SSH1: variants seen among roughly 807,000 people sequenced by gnomAD.
SSH1 encodes slingshot protein phosphatase 1, also known as protein phosphatase Slingshot homolog 1.
A neutral mutation model predicts 79.7 loss-of-function variants in SSH1; 43 were observed. That is an observed-to-expected ratio of 0.54 (90% CI 0.42 to 0.70). The LOEUF (loss-of-function observed/expected upper bound fraction) is 0.70. SSH1 is among the 30% of genes least tolerant of loss of function. The pLI is 0.00. For missense variants in SSH1, 1,206 were observed against 1,358.8 expected (o/e 0.89, Z 1.77); for synonymous variants, 599 against 538.3 (o/e 1.11, Z -1.56).
intron 14 of SSH1, 124 bp from the exon 15 acceptor site, chr12:108,789,368 C>CT (rs60314156): frequency 0.29 from 284,053 of 968,192 alleles, 45,430 homozygotes; most frequent in South Asian, 0.41. Flanking sequence ...AGGGGAGGCT[C>CT]TCATTTCACT....
At chr12:108,792,863 A>G (rs942865090) in intron 13 of SSH1, 34 bp from the exon 14 acceptor site, 1 of 1,611,692 alleles carries the variant, frequency 6.2e-7, no homozygotes, top group Non-Finnish European at 8.5e-7. Flanking sequence ...AGGTGAGGGG[A>G]GGAGGATGGT....
Position 108,811,279 on chromosome 12 carries a change from T to G in SSH1, c.451A>C (p.Ile151Leu). ...CCTTACCCATCTCCATCAAGGTGGA[T>G]TTTCGTGTCGCTCCACAGTCGGAGA... ...MVLRLWSDTKIHLDGDGGFSV... is the reference protein window; with the variant it reads ...MVLRLWSDTKLHLDGDGGFSV... The change falls in exon 6 of 15, where the codon ATC becomes CTC. Residue 151 changes from isoleucine (I) to leucine (L), a missense_variant. Physicochemically the swap from Ile to Leu is conservative, Grantham distance 5. Transcript: ENST00000326495. The G allele has an allele frequency of 1.2e-6, 2 of 1,614,122 alleles. No individual in the cohort carries two copies. Among genetic ancestry groups the G allele is most frequent in the Non-Finnish European group, 1.7e-6 (2 of 1,180,006 alleles).
intron 12 of SSH1, among the ~76,000 whole-genome samples, chr12:108,799,772 G>C (rs1251417690): frequency 6.6e-6 from 1 of 152,246 alleles, no homozygotes; most frequent in East Asian, 1.9e-4. Flanking sequence ...GGAAGATGGG[G>C]CTGGCCGTTT....
intron 2 of SSH1, among the ~76,000 whole-genome samples, chr12:108,831,369 G>A (rs2038469390): frequency 6.6e-6 from 1 of 152,194 alleles, no homozygotes; most frequent in African/African-American, 2.4e-5. Context: ...TTCCAAAAAG[G>A]AGGCTCTGTT....
At position 108,788,243 on chromosome 12, in the gene SSH1, C is replaced by T. The variant is rs533593339; in HGVS notation, c.2895G>A (p.Ala965=). ...TQEIETRLRL[A]GLTVSSPLKR... is the part of the protein sequence containing the mutation. The stretch of plus-strand genomic sequence containing the variant: ...TCAGTGGGGAAGAGACGGTGAGGCC[C>T]GCCAGCCGGAGCCGGGTCTCAATCT... Residue 965 remains alanine (A), a synonymous_variant, in exon 15 of 15, where the codon GCG becomes GCA. Coordinates refer to ENST00000326495, the MANE Select transcript of SSH1 (RefSeq NM_018984.4). 39 of 1,613,772 alleles carry T rather than the reference C, an allele frequency of 2.4e-5. No homozygotes were observed. The Admixed American group carries it at 3.3e-4, about 14-fold the overall frequency.
intron 1 of SSH1, 59 bp from the exon 2 acceptor site, chr12:108,852,737 G>A (rs763434575): frequency 2.4e-5 from 39 of 1,611,900 alleles, no homozygotes; most frequent in Middle Eastern, 1.6e-4. Context: ...CGCCTCGGGC[G>A]GCAGTCTCAC....
chr12:108,845,046 C>T (rs1243758760), intron 2 of SSH1, among the ~76,000 whole-genome samples: 2 of 151,434 alleles, frequency 1.3e-5, no homozygotes, highest in African/African-American at 2.4e-5. Flanking sequence ...CCCAGCTACT[C>T]GGGAGGCTGA....
chr12:108,791,380 T>C (rs1200058671), intron 14 of SSH1, among the ~76,000 whole-genome samples: 4 of 152,204 alleles, frequency 2.6e-5, no homozygotes, highest in Non-Finnish European at 5.9e-5. Context: ...AATGCTGGGA[T>C]TACAGATGTG....
rs535840859 is a variant in SSH1 at position 108,797,547 on chromosome 12, C to T, written c.1349+1453G>A. 2.4e-4 allele frequency among the ~76,000 whole-genome samples: 36 copies of T among 152,262 alleles called. No individual in the cohort carries two copies. In the South Asian group the frequency reaches 7.5e-3, roughly 32 times the overall value. ...TTCCAAAACTACCTATAGCCCACTC[C>T]ACCCCCATCCTGTGCCTATAAAGAC... is the stretch of plus-strand genomic sequence containing the variant. On this transcript the variant is annotated intron_variant, in intron 13 of 14. Coordinates refer to ENST00000326495, the MANE Select transcript of SSH1 (RefSeq NM_018984.4).
intron 5 of SSH1, among the ~76,000 whole-genome samples, chr12:108,814,329 G>C (rs899690202): frequency 6.6e-6 from 1 of 151,988 alleles, no homozygotes; most frequent in African/African-American, 2.4e-5. Flanking sequence ...ATGCCCTTTG[G>C]GGGTAATGCT....
chr12:108,837,508 T>C (rs2038667280), intron 2 of SSH1, among the ~76,000 whole-genome samples: 1 of 152,212 alleles, frequency 6.6e-6, no homozygotes. Flanking sequence ...CCAAGGGTAA[T>C]GGAGTAGCAG....
intron 11 of SSH1, among the ~76,000 whole-genome samples, chr12:108,801,735 T>TAAAAAAAAA (rs1565980475): frequency 5.8e-5 from 8 of 137,182 alleles, no homozygotes; most frequent in African/African-American, 2.1e-4. Context: ...CTGTGTTGTT[T>TAAAAAAAAA]TAAAAAAAAA....
At position 108,805,330 on chromosome 12, in the gene SSH1, C is replaced by T. The variant is rs150067345; in HGVS notation, c.826-146G>A. 9.6e-3 allele frequency: 7,990 copies of T among 829,400 alleles called. 800 individuals are homozygous for T. The Admixed American group carries it at 0.17, about 18-fold the overall frequency. The allele number at this position is 829,400 out of a possible 1,614,324, so 51.4% of individuals were successfully genotyped here. A position where few individuals can be genotyped will look rare whatever the true frequency, so the allele number is the denominator to read the frequency against. ...TTTCAGAGTAATACATTTAGATACA[C>T]GCAACATACATGCGTGGGTGGCAGG... On this transcript the variant is annotated intron_variant, in intron 9 of 14. Transcript: ENST00000326495.
chr12:108,793,941 G>GCA (rs1297278700), intron 13 of SSH1, among the ~76,000 whole-genome samples: 1 of 152,208 alleles, frequency 6.6e-6, no homozygotes, highest in African/African-American at 2.4e-5. Flanking sequence ...TGGAGCGCCT[G>GCA]GCTTAGGCTG....
intron 8 of SSH1, among the ~76,000 whole-genome samples, 179 bp from the exon 9 acceptor site, chr12:108,806,573 T>C (rs1446484586): frequency 5.3e-5 from 8 of 152,254 alleles, no homozygotes; most frequent in Non-Finnish European, 1.2e-4. Context: ...GCTGCAGCTC[T>C]AGAACTCCCA....
In SSH1 at chr12:108,788,859, G is replaced by A; in HGVS notation, c.2279C>T (p.Ser760Phe). The part of the protein sequence containing the change: ...VLPKSLLLKN[S>F]HCDKNPPSTE... The stretch of plus-strand genomic sequence containing the variant: ...GCTGGGAGGGTTCTTATCACAGTGA[G>A]AATTCTTCAAAAGGAGGGACTTTGG... Residue 760 changes from serine (S) to phenylalanine (F), a missense_variant, in exon 15 of 15, where the codon TCT (serine) becomes TTT (phenylalanine). Around this residue, in one of 5 missense-constraint regions of SSH1, gnomAD observed 709 missense variants for 730.6 expected, o/e 0.97. Transcript: ENST00000326495. The A allele has an allele frequency of 6.2e-7, 1 of 1,614,216 alleles. No homozygotes were observed. The highest frequency in any genetic ancestry group is 1.1e-5 in the South Asian group (1 of 91,088).
chr12:108,827,463 T>C lies in SSH1; in HGVS notation c.111-4102A>G, dbSNP rs559905256. The C allele has an allele frequency of 1.0e-3, 1,300 of 1,298,202 alleles. 2 individuals are homozygous for C. Among genetic ancestry groups the C allele is most frequent in the Non-Finnish European group, 1.2e-3 (1,254 of 1,016,664 alleles). 80.4% of individuals were successfully genotyped at this position (1,298,202 alleles called of 1,614,324 possible). On this transcript the variant is annotated intron_variant, in intron 2 of 14. Transcript: ENST00000326495. ...GGCTGCCGAGTGCTTCCACGAGGGC[T>C]GGGGAGCCAACTCCTCCTCAGAGTC...
At position 108,857,562 on chromosome 12, in the gene SSH1, C is replaced by T. The variant is rs1316924125; in HGVS notation, c.-66G>A. 1 of 966,524 alleles carries T rather than the reference C, an allele frequency of 1.0e-6. No homozygotes were observed. Among genetic ancestry groups the T allele is most frequent in the South Asian group, 3.8e-5 (1 of 26,220 alleles). 59.9% of individuals were successfully genotyped at this position (966,524 alleles called of 1,614,324 possible). On this transcript the variant is annotated 5_prime_UTR_variant, in exon 1 of 15. Transcript: ENST00000326495. The surrounding 1 kb of genome is among the most constrained non-coding windows in gnomAD (Gnocchi z 4.7). ...TAGAGCCGCCACCGCCACCGCCGCC[C>T]GGGCCGGGCCCGGGGCCTCCTGGAG...
chr12:108,848,456 C>G (rs917679389), intron 2 of SSH1, among the ~76,000 whole-genome samples: 13 of 152,156 alleles, frequency 8.5e-5, no homozygotes, highest in Non-Finnish European at 1.3e-4. Flanking sequence ...GAGGTGATGG[C>G]AGCTCACCTT....
Sources: allele counts gnomAD v4.1 joint callset (sites outside exome capture counted in the v4.1 genomes callset), GRCh38; gene constraint gnomAD v4.1.1; regional missense constraint gnomAD v4.1.1; non-coding constraint Gnocchi (gnomAD v3.1); transcripts MANE v1.5; gene names NCBI Gene and HGNC (gene_info 2026-07-23, HGNC 2026-07-21).